FGGY: variants seen among roughly 807,000 people sequenced by gnomAD.
FGGY encodes FGGY carbohydrate kinase domain containing.
Under a neutral mutation model 71.3 loss-of-function variants are expected in FGGY, and 72 were observed. That is an observed-to-expected ratio of 1.01 (90% CI 0.84 to 1.23). The LOEUF (loss-of-function observed/expected upper bound fraction) is 1.23, where lower values mean the gene tolerates loss of function less well. Ranked by LOEUF, FGGY falls within the 50% of genes most tolerant of loss-of-function variation. The pLI, the probability that FGGY is intolerant of heterozygous loss-of-function variation, is 0.00. For synonymous variants in FGGY, 251 were observed against 250.3 expected (o/e 1.00, Z -0.02); for missense variants, 668 against 682.3 (o/e 0.98, Z 0.23).
intron 4 of FGGY, among the ~76,000 whole-genome samples, chr1:59,367,639 A>T (rs1183780786): frequency 6.6e-6 from 1 of 152,112 alleles, no homozygotes; most frequent in Non-Finnish European, 1.5e-5. Flanking sequence ...TTGCCCCTCG[A>T]CCCTGGTGTC....
At position 59,546,516 on chromosome 1, in the gene FGGY, TGATGATGATGATGATG is replaced by T. The variant is rs1558302888; in HGVS notation, c.800-7607_800-7592del. ...AGGATGATGATGATGATGATGATGA[TGATGATGATGATGATG>T]ATGATTATTATTATTATTATTTGAG... On this transcript the variant is annotated intron_variant, in intron 7 of 15. Coordinates refer to ENST00000303721, the MANE Select transcript of FGGY (RefSeq NM_018291.5). Among the ~76,000 whole-genome samples, 46 of 147,590 alleles carry T rather than the reference TGATGATGATGATGATG, an allele frequency of 3.1e-4. No individual in the cohort carries two copies. In the South Asian group the frequency reaches 8.6e-3, roughly 28 times the overall value.
chr1:59,487,477 A>G (rs1326543040), intron 6 of FGGY, among the ~76,000 whole-genome samples: 1 of 152,186 alleles, frequency 6.6e-6, no homozygotes, highest in East Asian at 1.9e-4. Context: ...CAGCACCTGC[A>G]TGGTACCTGG....
rs200987138 is a variant in FGGY at position 59,625,971 on chromosome 1, T to C, written c.1012-17T>C. The C allele has an allele frequency of 3.6e-4, 571 of 1,586,970 alleles. No homozygotes were observed. The highest frequency in any genetic ancestry group is 4.0e-4 in the Non-Finnish European group (471 of 1,167,438). ...TTAAAGAAGCTATAAAATTGACCCA[T>C]GTCTCTTATTTTTCAGATAGACCAC... On this transcript the variant is annotated splice_polypyrimidine_tract_variant and intron_variant, in intron 9 of 15. Transcript: ENST00000303721.
chr1:59,322,278 CTT>C (rs779225811), intron 2 of FGGY, among the ~76,000 whole-genome samples: 46 of 127,206 alleles, frequency 3.6e-4, no homozygotes, highest in Admixed American at 5.6e-4. Flanking sequence ...GAGGTGCGCT[CTT>C]TTTTTTTTTT....
chr1:59,482,611 T>C (rs1453227095), intron 6 of FGGY, among the ~76,000 whole-genome samples: 1 of 110,764 alleles, frequency 9.0e-6, no homozygotes, highest in Admixed American at 9.4e-5. Context: ...TATATATACA[T>C]ATGTGTGTGT....
chr1:59,536,110 G>A (rs1315310367), intron 7 of FGGY, among the ~76,000 whole-genome samples: 3 of 151,284 alleles, frequency 2.0e-5, no homozygotes, highest in African/African-American at 7.3e-5. Context: ...AAAAAAATAA[G>A]AATCAAATAG....
chr1:59,440,146 T>G (rs1483933990), intron 5 of FGGY, among the ~76,000 whole-genome samples: 1 of 151,000 alleles, frequency 6.6e-6, no homozygotes, highest in Non-Finnish European at 1.5e-5. Flanking sequence ...AGATTGAATT[T>G]AGGCCATTTT....
chr1:59,533,025 A>C (rs774455779), intron 7 of FGGY, among the ~76,000 whole-genome samples: 3 of 152,228 alleles, frequency 2.0e-5, no homozygotes, highest in Non-Finnish European at 4.4e-5. Flanking sequence ...GAATAGGAAC[A>C]GCTCCCGTCT....
intron 7 of FGGY, among the ~76,000 whole-genome samples, chr1:59,540,014 A>G (rs78287472): frequency 1.3e-3 from 192 of 152,318 alleles, no homozygotes; most frequent in African/African-American, 4.4e-3. Flanking sequence ...GATACGAAAA[A>G]TTGTCCAGCC....
chr1:59,717,868 C>A (rs1033048230), intron 14 of FGGY, among the ~76,000 whole-genome samples: 1 of 152,184 alleles, frequency 6.6e-6, no homozygotes, highest in Non-Finnish European at 1.5e-5. Flanking sequence ...CTCTTCTAAT[C>A]GCTTAACATA....
intron 5 of FGGY, among the ~76,000 whole-genome samples, chr1:59,447,493 C>A (rs1166431348): frequency 6.6e-6 from 1 of 152,086 alleles, no homozygotes; most frequent in Non-Finnish European, 1.5e-5. Flanking sequence ...TTTATCGCAC[C>A]CTATCTAAGG....
chr1:59,564,280 C>T (rs1487337968), intron 8 of FGGY, among the ~76,000 whole-genome samples: 1 of 152,184 alleles, frequency 6.6e-6, no homozygotes, highest in East Asian at 1.9e-4. Context: ...AAAAATTTTG[C>T]AGTATCTCCA....
At chr1:59,612,340 T>A (rs1473889081) in intron 9 of FGGY, among the ~76,000 whole-genome samples, 1 of 152,192 alleles carries the variant, frequency 6.6e-6, no homozygotes, top group Non-Finnish European at 1.5e-5. Context: ...GGGGCCAATA[T>A]TCAACATTCT....
intron 14 of FGGY, among the ~76,000 whole-genome samples, chr1:59,679,282 A>G (rs1427452405): frequency 6.7e-6 from 1 of 150,250 alleles, no homozygotes; most frequent in African/African-American, 2.4e-5. Context: ...CTCCCATTCT[A>G]TTTTATTTTG....
intron 6 of FGGY, among the ~76,000 whole-genome samples, chr1:59,497,389 C>T (rs1218994159): frequency 6.6e-6 from 1 of 152,172 alleles, no homozygotes; most frequent in Non-Finnish European, 1.5e-5. Context: ...GAGTTTGAGA[C>T]CAGCCTGGCC....
chr1:59,310,986 G>A (rs1345626964), intron 1 of FGGY, among the ~76,000 whole-genome samples: 1 of 152,182 alleles, frequency 6.6e-6, no homozygotes, highest in Non-Finnish European at 1.5e-5. Context: ...ATACAAGGAA[G>A]GTAGGGAGCA....
intron 5 of FGGY, among the ~76,000 whole-genome samples, chr1:59,454,988 G>T (rs1475734921): frequency 6.6e-6 from 1 of 152,188 alleles, no homozygotes; most frequent in African/African-American, 2.4e-5. Context: ...CTTTAAAATT[G>T]CATGAGCTCC....
intron 7 of FGGY, among the ~76,000 whole-genome samples, chr1:59,532,072 G>C (rs2095160475): frequency 2.0e-5 from 3 of 152,138 alleles, no homozygotes; most frequent in Admixed American, 1.3e-4. Flanking sequence ...ATATGCTGGT[G>C]GTATTTGACA....
intron 2 of FGGY, among the ~76,000 whole-genome samples, chr1:59,329,584 T>C (rs1368910766): frequency 1.3e-5 from 2 of 152,236 alleles, no homozygotes; most frequent in Non-Finnish European, 2.9e-5. Flanking sequence ...CATCTCATGA[T>C]GCTTCTCCTG....
Sources: gnomAD v4.1 joint callset for allele counts (sites outside exome capture counted in the v4.1 genomes callset) on GRCh38, gnomAD v4.1.1 for gene constraint, MANE v1.5 for transcripts, NCBI Gene and HGNC (gene_info 2026-07-23, HGNC 2026-07-21) for gene names.